PCDHA9: variants seen among roughly 807,000 people sequenced by gnomAD.
The protein encoded by PCDHA9 is protocadherin alpha 9, also known as protocadherin alpha-9.
Under a neutral mutation model 62.0 loss-of-function variants are expected in PCDHA9, and 62 were observed. The observed-to-expected ratio is 1.00, with a 90% CI of 0.81 to 1.23. The LOEUF (loss-of-function observed/expected upper bound fraction) is 1.23. PCDHA9 is among the 50% of genes most tolerant of loss of function. PCDHA9 has a pLI of 0.00. For missense variants in PCDHA9, 1,205 were observed against 1,249.8 expected (o/e 0.96, Z 0.54); for synonymous variants, 557 against 567.6 (o/e 0.98, Z 0.27).
intron 1 of PCDHA9, chr5:140,869,061 G>A: frequency 6.4e-7 from 1 of 1,558,266 alleles, no homozygotes; most frequent in South Asian, 1.2e-5. Flanking sequence ...ATCTGGTACT[G>A]TAAGTGTAAA....
chr5:140,857,187 C>A (rs202051639), intron 1 of PCDHA9: 1 of 1,598,516 alleles, frequency 6.3e-7, no homozygotes, highest in East Asian at 2.2e-5. Context: ...GATTCAGGAG[C>A]CAACGGACAG....
intron 1 of PCDHA9, chr5:140,882,151 G>C (rs529033742): frequency 6.7e-7 from 1 of 1,503,572 alleles, no homozygotes; most frequent in African/African-American, 1.4e-5. Flanking sequence ...AGCAGAAAGC[G>C]GAATACCTCT....
chr5:140,895,166 C>T (rs1319581978), intron 1 of PCDHA9, among the ~76,000 whole-genome samples: 1 of 152,138 alleles, frequency 6.6e-6, no homozygotes, highest in Non-Finnish European at 1.5e-5. Context: ...ACAATCCAAT[C>T]TATTTGTAGT....
chr5:140,856,672 G>A (rs1356609367), intron 1 of PCDHA9: 2 of 1,597,818 alleles, frequency 1.3e-6, no homozygotes, highest in East Asian at 4.5e-5. Flanking sequence ...CTCAGCTAAA[G>A]TTGTTGTTGA....
intron 1 of PCDHA9, chr5:140,966,548 A>G (rs2096020413): frequency 2.1e-6 from 1 of 465,426 alleles, no homozygotes; most frequent in Admixed American, 4.3e-5. Flanking sequence ...CTCGGAGGCG[A>G]GCGGAGGAGC....
At chr5:140,889,101 T>TCC in intron 1 of PCDHA9, among the ~76,000 whole-genome samples, 1 of 152,074 alleles carries the variant, frequency 6.6e-6, no homozygotes, top group East Asian at 1.9e-4. Context: ...AATTTTTTCA[T>TCC]CTTTATTCCA....
Position 141,009,873 on chromosome 5 carries a change from A to C in PCDHA9, c.2789A>C (p.Lys930Thr), listed in dbSNP as rs782413551. The C allele has an allele frequency of 1.2e-6, 2 of 1,613,916 alleles. No homozygotes were observed. The highest frequency in any genetic ancestry group is 2.7e-5 in the African/African-American group (2 of 74,862). The change falls in exon 4 of 4, where the codon AAG (lysine) becomes ACG (threonine). Residue 930 changes from lysine to threonine, a missense_variant. Lys to Thr is a moderately conservative substitution (Grantham distance 78). Transcript: ENST00000532602. ...ACCAAGAAAAAGAAGAAAAAGAAGA[A>C]GGGTAACAAGACCCAGGAGAAAAAA... ...EETKKKKKKK[K>T]GNKTQEKKEK...
chr5:140,856,448 G>T (rs782383115), intron 1 of PCDHA9: 3 of 1,598,274 alleles, frequency 1.9e-6, no homozygotes, highest in South Asian at 2.2e-5. Context: ...CAGGTTCTCC[G>T]TAACAGAACA....
chr5:140,860,841 T>C (rs251367), intron 1 of PCDHA9: 102,021 of 152,038 alleles, frequency 0.67, 34,407 homozygotes, highest in Middle Eastern at 0.71. Context: ...AGGTTCACGC[T>C]ATTCTCCTGC....
At chr5:141,005,303 A>T (rs2098205194) in intron 3 of PCDHA9, among the ~76,000 whole-genome samples, 2 of 152,212 alleles carry the variant, frequency 1.3e-5, no homozygotes, top group Non-Finnish European at 2.9e-5. Context: ...TGCCTTTGTG[A>T]ATCTTACAGT....
At chr5:140,913,288 T>C (rs1452332608) in intron 1 of PCDHA9, among the ~76,000 whole-genome samples, 1 of 152,172 alleles carries the variant, frequency 6.6e-6, no homozygotes, top group Non-Finnish European at 1.5e-5. Context: ...GTTTAGGTTT[T>C]AATTTCTTCA....
intron 3 of PCDHA9, chr5:140,989,066 C>T (rs2097328502): frequency 6.6e-6 from 1 of 152,200 alleles, no homozygotes; most frequent in South Asian, 2.1e-4. Flanking sequence ...TGAGGCAATA[C>T]AGTCTGGCCT....
chr5:140,863,770 G>A (rs953823411), intron 1 of PCDHA9: 6 of 240,128 alleles, frequency 2.5e-5, no homozygotes, highest in Non-Finnish European at 4.1e-5. Context: ...AAGCCGAGGC[G>A]GGCGGATCAC....
intron 1 of PCDHA9, chr5:140,877,942 C>T: frequency 7.3e-7 from 1 of 1,367,876 alleles, no homozygotes; most frequent in Admixed American, 3.1e-5. Flanking sequence ...ATCCTTTAAA[C>T]TATCGAATGT....
chr5:140,929,697 T>G (rs2086305900), intron 1 of PCDHA9: 1 of 266,272 alleles, frequency 3.8e-6, no homozygotes, highest in African/African-American at 2.2e-5. Flanking sequence ...CTGCTTTATA[T>G]GAATATAATA....
Position 140,856,075 on chromosome 5 carries a change from G to T in PCDHA9, c.2394+5186G>T. 2 of 1,593,334 alleles carry T rather than the reference G, an allele frequency of 1.3e-6. 1 individual carries two copies. The highest frequency in any genetic ancestry group is 1.7e-6 in the Non-Finnish European group (2 of 1,164,466). Reference sequence around the variant, plus strand: ...TGGTTTCCAGATGTAGCTGCCTGGGGGTCCAGTGTCTGCTGCTCTCGCTTC... The same window carrying T: ...TGGTTTCCAGATGTAGCTGCCTGGGTGTCCAGTGTCTGCTGCTCTCGCTTC... On this transcript the variant is annotated intron_variant, in intron 1 of 3. Transcript: ENST00000532602.
At chr5:140,895,138 G>C (rs782496234) in intron 1 of PCDHA9, among the ~76,000 whole-genome samples, 14 of 151,944 alleles carry the variant, frequency 9.2e-5, no homozygotes, top group Non-Finnish European at 1.8e-4. Flanking sequence ...AAGTTCATAG[G>C]GCTAAGACAG....
intron 2 of PCDHA9, among the ~76,000 whole-genome samples, chr5:140,981,680 C>G (rs1238332235): frequency 6.6e-6 from 1 of 151,746 alleles, no homozygotes; most frequent in Non-Finnish European, 1.5e-5. Context: ...CTTCCTTCCT[C>G]CCTTCCATCA....
chr5:140,874,124 TTTAAG>T (rs373641315), intron 1 of PCDHA9, among the ~76,000 whole-genome samples: 322 of 152,384 alleles, frequency 2.1e-3, no homozygotes, highest in African/African-American at 7.5e-3. Context: ...TTATAGTTTA[TTTAAG>T]TTATCTTATA....
Sources: allele counts gnomAD v4.1 joint callset (sites outside exome capture counted in the v4.1 genomes callset), GRCh38; gene constraint gnomAD v4.1.1; transcripts MANE v1.5; gene names NCBI Gene and HGNC (gene_info 2026-07-23, HGNC 2026-07-21).